Variants in BPTF observed in about 807,000 individuals in gnomAD.
The protein encoded by BPTF is nucleosome-remodeling factor subunit BPTF.
BPTF carries 18 observed loss-of-function variants against 292.5 expected under a neutral mutation model. The observed-to-expected ratio is 0.06, with a 90% CI of 0.04 to 0.09. The LOEUF is 0.09. Ranked by LOEUF, BPTF falls within the 10% of genes least tolerant of loss-of-function variation. The pLI is 1.00. For synonymous variants in BPTF, 1,225 were observed against 1,251.9 expected (o/e 0.98, Z 0.45); for missense variants, 2,726 against 3,498.7 (o/e 0.78, Z 5.57).
intron 3 of BPTF, among the ~76,000 whole-genome samples, chr17:67,871,479 C>T (rs1462397411): frequency 2.0e-5 from 3 of 150,510 alleles, no homozygotes; most frequent in Non-Finnish European, 4.4e-5. Flanking sequence ...AGTAAATACT[C>T]ATATATTCAT....
intron 27 of BPTF, among the ~76,000 whole-genome samples, chr17:67,980,748 A>C (rs1376128175): frequency 6.6e-6 from 1 of 152,226 alleles, no homozygotes; most frequent in African/African-American, 2.4e-5. Flanking sequence ...GGGGCCACTT[A>C]GGATGTCTTC....
intron 7 of BPTF, among the ~76,000 whole-genome samples, chr17:67,900,773 G>A (rs1013869248): frequency 6.6e-6 from 1 of 152,082 alleles, no homozygotes; most frequent in African/African-American, 2.4e-5. Flanking sequence ...ACTTTGAGAG[G>A]TTGAGGAGGG....
At chr17:67,928,126 C>T (rs1385961295) in intron 15 of BPTF, among the ~76,000 whole-genome samples, 3 of 152,104 alleles carry the variant, frequency 2.0e-5, no homozygotes, top group Non-Finnish European at 4.4e-5. Flanking sequence ...TCAGGTGATC[C>T]ACCCACCTCA....
intron 15 of BPTF, among the ~76,000 whole-genome samples, chr17:67,928,013 A>G (rs1317115887): frequency 6.6e-6 from 1 of 151,912 alleles, no homozygotes; most frequent in Non-Finnish European, 1.5e-5. Context: ...CCTCCCGAGT[A>G]GTTAGAATTA....
intron 6 of BPTF, 106 bp downstream of exon 6, chr17:67,893,831 A>C: frequency 8.3e-7 from 1 of 1,202,834 alleles, no homozygotes; most frequent in Non-Finnish European, 1.2e-6. Context: ...AGTTGAATGA[A>C]GTCAATGTGG....
At chr17:67,979,711 TAAAC>T (rs2070085663) in intron 27 of BPTF, among the ~76,000 whole-genome samples, 1 of 152,078 alleles carries the variant, frequency 6.6e-6, no homozygotes, top group Admixed American at 6.6e-5. Flanking sequence ...TAGCAGGGCT[TAAAC>T]AAAAGTTGAT....
chr17:67,932,000 A>G lies in BPTF; in HGVS notation c.6240A>G (p.Thr2080=). Residue 2080 remains threonine, a synonymous_variant, in exon 18 of 28, where the codon ACA becomes ACG. Coordinates refer to ENST00000306378, the MANE Select transcript of BPTF (RefSeq NM_182641.4). ...CACTAGGAAAGGCAATTATTCGAAC[A>G]CCTGTGATGGTACAGCCAGGTATTT... ...QSTLGKAIIR[T]PVMVQPGAPQ... The G allele has an allele frequency of 6.2e-7, 1 of 1,613,740 alleles. No individual in the cohort carries two copies. Among genetic ancestry groups the G allele is most frequent in the Middle Eastern group, 1.6e-4 (1 of 6,062 alleles).
chr17:67,858,965 C>T (rs1179591101), intron 2 of BPTF, among the ~76,000 whole-genome samples: 1 of 152,088 alleles, frequency 6.6e-6, no homozygotes, highest in Non-Finnish European at 1.5e-5. Context: ...TGGTATAGGT[C>T]TTAGTTTCAG....
chr17:67,893,693 A>G lies in BPTF; in HGVS notation c.2379A>G (p.Ser793=), dbSNP rs764062575. 1.9e-6 allele frequency: 3 copies of G among 1,608,680 alleles called. No individual in the cohort carries two copies. The East Asian group carries it at 6.7e-5, about 36-fold the overall frequency. The part of the protein sequence containing the change: ...TITQLENNIP[S]SFLHPNWASH... ...CCCAATTAGAAAACAACATCCCTTC[A>G]TCCTTTCTTCATCCCAACTGGGCAT... is the stretch of plus-strand genomic sequence containing the variant. The change falls in exon 6 of 28, where the codon TCA becomes TCG. Residue 793 remains serine, a synonymous_variant. Transcript: ENST00000306378.
intron 3 of BPTF, among the ~76,000 whole-genome samples, chr17:67,869,827 CAAAAAAAA>C (rs772941425): frequency 3.9e-4 from 22 of 56,426 alleles, no homozygotes; most frequent in East Asian, 2.2e-3. Context: ...ACTAAAAATA[CAAAAAAAA>C]AAAAAAAAAA....
intron 26 of BPTF, among the ~76,000 whole-genome samples, chr17:67,968,946 A>G (rs1185870913): frequency 6.6e-6 from 1 of 151,148 alleles, no homozygotes; most frequent in Non-Finnish European, 1.5e-5. Context: ...GCGCCATTGC[A>G]CTCCAGCCTG....
At chr17:67,831,578 G>A (rs1182021393) in intron 1 of BPTF, among the ~76,000 whole-genome samples, 1 of 152,140 alleles carries the variant, frequency 6.6e-6, no homozygotes, top group Non-Finnish European at 1.5e-5. Context: ...AGGAACTCTG[G>A]TCTCTTCTGT....
At chr17:67,886,061 C>A (rs1286310458) in intron 4 of BPTF, 12 of 1,212,568 alleles carry the variant, frequency 9.9e-6, no homozygotes, top group Non-Finnish European at 1.4e-5. Flanking sequence ...AAACAATTGT[C>A]TTTTCTGACA....
At chr17:67,827,349 C>G (rs1362066230) in intron 1 of BPTF, among the ~76,000 whole-genome samples, 4 of 152,134 alleles carry the variant, frequency 2.6e-5, no homozygotes, top group African/African-American at 9.7e-5. Flanking sequence ...ATGGTAACCC[C>G]TCTTCTGTTT....
chr17:67,953,911 G>C (rs1251412479), intron 23 of BPTF, among the ~76,000 whole-genome samples: 1 of 148,246 alleles, frequency 6.7e-6, no homozygotes, highest in Admixed American at 6.7e-5. Flanking sequence ...ATTCAGATTA[G>C]ACCATTGATT....
At chr17:67,902,506 A>G (rs780457873) in intron 7 of BPTF, among the ~76,000 whole-genome samples, 6 of 152,162 alleles carry the variant, frequency 3.9e-5, no homozygotes, top group Non-Finnish European at 8.8e-5. Flanking sequence ...ATTTGAGTAC[A>G]TTAGCTCCCA....
chr17:67,861,690 C>T (rs538170842), intron 2 of BPTF, among the ~76,000 whole-genome samples: 3 of 152,314 alleles, frequency 2.0e-5, no homozygotes, highest in South Asian at 4.1e-4. Context: ...CTTTTAATTA[C>T]AATTACTTCC....
chr17:67,957,263 A>G (rs1305670654), intron 23 of BPTF: 2 of 152,822 alleles, frequency 1.3e-5, no homozygotes, highest in African/African-American at 2.4e-5. Flanking sequence ...AGCCTGGGCA[A>G]CAAGAGCGAA....
intron 19 of BPTF, among the ~76,000 whole-genome samples, chr17:67,941,281 T>C (rs538362722): frequency 3.2e-4 from 48 of 152,236 alleles, no homozygotes; most frequent in African/African-American, 1.1e-3. Context: ...TGAAATTCCA[T>C]CTCTGCTAAA....
Sources: gnomAD v4.1 joint callset for allele counts (sites outside exome capture counted in the v4.1 genomes callset) on GRCh38, gnomAD v4.1.1 for gene constraint, MANE v1.5 for transcripts, NCBI Gene and HGNC (gene_info 2026-07-23, HGNC 2026-07-21) for gene names.